NDRG3: variants seen among roughly 807,000 people sequenced by gnomAD.
The protein encoded by NDRG3 is NDRG family member 3.
Under a neutral mutation model 57.2 loss-of-function variants are expected in NDRG3, and 23 were observed. The ratio of observed to expected loss-of-function variants is 0.40; its 90% confidence interval spans 0.29 to 0.57. The LOEUF (loss-of-function observed/expected upper bound fraction) is 0.57, where lower values mean the gene tolerates loss of function less well. Among genes scored for constraint, NDRG3 ranks in the 20% least tolerant of loss-of-function variants. The pLI is 0.42. For synonymous variants in NDRG3, 132 were observed against 162.6 expected (o/e 0.81, Z 1.43); for missense variants, 384 against 457.3 (o/e 0.84, Z 1.46).
chr20:36,722,984 G>T (rs891128406), intron 1 of NDRG3, among the ~76,000 whole-genome samples: 3 of 152,218 alleles, frequency 2.0e-5, no homozygotes, highest in Non-Finnish European at 1.5e-5. Flanking sequence ...GGCCCATGTG[G>T]AGAGGAACCA....
intron 3 of NDRG3, 107 bp downstream of exon 3, chr20:36,706,865 A>G: frequency 2.1e-6 from 2 of 938,484 alleles, no homozygotes; most frequent in South Asian, 3.2e-5. Context: ...TTAAGGACTC[A>G]TTATTAGCTA....
intron 8 of NDRG3, among the ~76,000 whole-genome samples, chr20:36,679,884 G>T (rs1981102927): frequency 6.7e-6 from 1 of 150,304 alleles, no homozygotes; most frequent in Non-Finnish European, 1.5e-5. Context: ...GAGTGCAATG[G>T]CACGATCTTA....
At chr20:36,728,546 G>A (rs149384745) in intron 1 of NDRG3, among the ~76,000 whole-genome samples, 1 of 152,302 alleles carries the variant, frequency 6.6e-6, no homozygotes, top group African/African-American at 2.4e-5. Context: ...AAACTCCAGT[G>A]GGCATCTCCC....
At chr20:36,722,834 AT>A (rs1568666160) in intron 1 of NDRG3, among the ~76,000 whole-genome samples, 1 of 152,228 alleles carries the variant, frequency 6.6e-6, no homozygotes, top group African/African-American at 2.4e-5. Context: ...CTAATAGAAT[AT>A]GGAGGAAGCA....
intron 3 of NDRG3, among the ~76,000 whole-genome samples, chr20:36,704,671 T>C (rs1464804630): frequency 6.6e-6 from 1 of 152,210 alleles, no homozygotes; most frequent in East Asian, 1.9e-4. Context: ...ACGTAACTTA[T>C]TGTTTTAGAG....
intron 9 of NDRG3, among the ~76,000 whole-genome samples, chr20:36,667,688 A>C (rs1979751391): frequency 6.6e-6 from 1 of 152,210 alleles, no homozygotes; most frequent in African/African-American, 2.4e-5. Flanking sequence ...GCATTGGAGG[A>C]AAGAAATATA....
intron 12 of NDRG3, among the ~76,000 whole-genome samples, chr20:36,662,414 C>A (rs1007302556): frequency 2.2e-4 from 33 of 151,966 alleles, no homozygotes; most frequent in African/African-American, 8.0e-4. Context: ...GACAGGGTTT[C>A]GCCATGTTGG....
At chr20:36,708,372 G>A (rs897217494) in intron 2 of NDRG3, among the ~76,000 whole-genome samples, 4 of 151,984 alleles carry the variant, frequency 2.6e-5, no homozygotes, top group East Asian at 1.9e-4. Context: ...CTTCAGGGCC[G>A]GGCACGGTGA....
At chr20:36,706,565 C>CA (rs2148167978) in intron 3 of NDRG3, among the ~76,000 whole-genome samples, 1 of 152,286 alleles carries the variant, frequency 6.6e-6, no homozygotes, top group African/African-American at 2.4e-5. Flanking sequence ...AGTGCAGTAG[C>CA]ACGATCTCGG....
intron 8 of NDRG3, among the ~76,000 whole-genome samples, chr20:36,678,489 TG>T (rs1202732614): frequency 6.6e-6 from 1 of 152,136 alleles, no homozygotes. Flanking sequence ...AAGACCAGCC[TG>T]GCCAAGATGG....
At chr20:36,671,530 C>T (rs1164092181) in intron 8 of NDRG3, 133 bp from the exon 9 acceptor site, 6 of 636,356 alleles carry the variant, frequency 9.4e-6, no homozygotes, top group African/African-American at 3.7e-5. Flanking sequence ...TGGCCAGGTG[C>T]GATGGCTCAC....
rs529381959 is a variant in NDRG3, at chr20:36,699,881, A to G, written c.93+7091T>C. 3.3e-5 allele frequency among the ~76,000 whole-genome samples: 5 copies of G among 152,098 alleles called. No individual in the cohort carries two copies. In the East Asian group the frequency reaches 9.7e-4, roughly 29 times the overall value. On this transcript the variant is annotated intron_variant, in intron 3 of 15. Coordinates refer to ENST00000349004, the MANE Select transcript of NDRG3 (RefSeq NM_032013.4). The stretch of plus-strand genomic sequence containing the variant: ...CACATTTGTAAAATCCCAGCACTTT[A>G]GGAGGCTGAGGCAGGCGGATCACGA...
At chr20:36,687,073 G>A (rs535980405) in intron 5 of NDRG3, among the ~76,000 whole-genome samples, 1 of 152,076 alleles carries the variant, frequency 6.6e-6, no homozygotes, top group East Asian at 1.9e-4. Flanking sequence ...TATCCAGGCT[G>A]GTCTTGAACC....
chr20:36,733,206 A>C (rs1985429563), intron 1 of NDRG3, among the ~76,000 whole-genome samples: 2 of 138,708 alleles, frequency 1.4e-5, no homozygotes, highest in Non-Finnish European at 1.5e-5. Flanking sequence ...ATATATATGC[A>C]CATATAAATT....
chr20:36,656,651 A>G, intron 13 of NDRG3, 119 bp from the exon 14 acceptor site: 1 of 1,060,200 alleles, frequency 9.4e-7, no homozygotes, highest in Non-Finnish European at 1.4e-6. Context: ...TTTAACTGCA[A>G]GTTTGCATCT....
At chr20:36,736,335 G>T (rs975016941) in intron 1 of NDRG3, among the ~76,000 whole-genome samples, 3 of 152,168 alleles carry the variant, frequency 2.0e-5, no homozygotes, top group African/African-American at 7.2e-5. Flanking sequence ...TGCAGCTAGG[G>T]CTAAGAACCA....
chr20:36,713,802 C>A, intron 2 of NDRG3, among the ~76,000 whole-genome samples: 1 of 151,830 alleles, frequency 6.6e-6, no homozygotes, highest in East Asian at 1.9e-4. Context: ...GAAACGAATA[C>A]CAAAGAGGAA....
At chr20:36,745,460 C>A (rs1250803337) in intron 1 of NDRG3, among the ~76,000 whole-genome samples, 1 of 152,198 alleles carries the variant, frequency 6.6e-6, no homozygotes, top group African/African-American at 2.4e-5. Flanking sequence ...GCTGACCCTG[C>A]CACTTGTCAG....
intron 8 of NDRG3, among the ~76,000 whole-genome samples, chr20:36,673,827 G>T: frequency 6.6e-6 from 1 of 152,182 alleles, no homozygotes; most frequent in African/African-American, 2.4e-5. Flanking sequence ...ACATTTGGCC[G>T]GGCGCAGTAG....
Sources: gnomAD v4.1 joint callset for allele counts (sites outside exome capture counted in the v4.1 genomes callset) on GRCh38, gnomAD v4.1.1 for gene constraint, MANE v1.5 for transcripts, NCBI Gene and HGNC (gene_info 2026-07-23, HGNC 2026-07-21) for gene names.